The following CBL variants were observed in gnomAD, a reference collection of about 807,000 sequenced individuals.
CBL encodes Cbl proto-oncogene.
CBL carries 45 observed loss-of-function variants against 96.9 expected under a neutral mutation model. The observed-to-expected ratio is 0.46, with a 90% CI of 0.37 to 0.60. The LOEUF is 0.60. CBL is among the 20% of genes least tolerant of loss of function. The pLI is 0.00. For synonymous variants in CBL, 420 were observed against 426.8 expected, an observed-to-expected ratio of 0.98 and a Z score of 0.20; for missense variants, 1,024 against 1,143.5, an observed-to-expected ratio of 0.90 and a Z score of 1.51.
intron 1 of CBL, among the ~76,000 whole-genome samples, chr11:119,231,708 C>CA (rs1949502968): frequency 6.6e-6 from 1 of 151,958 alleles, no homozygotes; most frequent in Admixed American, 6.6e-5. Flanking sequence ...AACTCTGTCT[C>CA]AAAAAACAAA....
At chr11:119,295,638 G>A (rs1314263805) in intron 12 of CBL, among the ~76,000 whole-genome samples, 1 of 152,100 alleles carries the variant, frequency 6.6e-6, no homozygotes, top group Non-Finnish European at 1.5e-5. Context: ...GAGTTGGGAG[G>A]ATCACTTGAG....
Position 119,298,395 on chromosome 11 carries a change from T to G in CBL, c.2289T>G (p.Gly763=). 1 of 1,614,182 alleles carries G rather than the reference T, an allele frequency of 6.2e-7. No individual in the cohort carries two copies. The highest frequency in any genetic ancestry group is 8.5e-7 in the Non-Finnish European group (1 of 1,180,020). The change falls in exon 15 of 16, where the codon GGT becomes GGG. Residue 763 remains glycine, a synonymous_variant. Coordinates refer to ENST00000264033, the MANE Select transcript of CBL (RefSeq NM_005188.4). ...GNLAAAHANT[G]PEESENEDDG... ...TGGCCGCAGCCCATGCCAACACTGGTCCCGAGGAGTCAGAAAATGAGGATG... is the reference window on the plus strand; with the variant it reads ...TGGCCGCAGCCCATGCCAACACTGGGCCCGAGGAGTCAGAAAATGAGGATG...
In CBL at chr11:119,214,301, C is replaced by T. The variant is rs191469810; in HGVS notation, c.195+7689C>T. Among the ~76,000 whole-genome samples the T allele has an allele frequency of 3.2e-3, 487 of 151,410 alleles. 4 individuals are homozygous for T. The highest frequency in any genetic ancestry group is 0.011 in the African/African-American group (443 of 41,244). On this transcript the variant is annotated intron_variant, in intron 1 of 15. Transcript: ENST00000264033. ...TGTCACCCAGGCTGGCGTACAGTCT[C>T]GGCTCAATGCAATGAGTGGCGTGAT...
intron 2 of CBL, among the ~76,000 whole-genome samples, chr11:119,251,362 G>A (rs1310619420): frequency 6.6e-6 from 1 of 152,016 alleles, no homozygotes; most frequent in African/African-American, 2.4e-5. Flanking sequence ...ACACACAATG[G>A]TTCAACCCAA....
At chr11:119,245,213 C>G (rs1249871913) in intron 2 of CBL, among the ~76,000 whole-genome samples, 1 of 146,218 alleles carries the variant, frequency 6.8e-6, no homozygotes, top group East Asian at 2.1e-4. Flanking sequence ...ACCTGCTTGT[C>G]TAGAGCTTTT....
chr11:119,235,105 C>CT (rs746758567), intron 2 of CBL, among the ~76,000 whole-genome samples: 6 of 151,984 alleles, frequency 3.9e-5, no homozygotes, highest in Non-Finnish European at 5.9e-5. Context: ...AAGAGCATTT[C>CT]TTTTTTCTAT....
rs180967802 is a variant in CBL, at chr11:119,246,751, C to T, written c.443+14056C>T. 8.7e-4 allele frequency among the ~76,000 whole-genome samples: 132 copies of T among 152,258 alleles called. 1 individual carries two copies. Among genetic ancestry groups the T allele is most frequent in the Non-Finnish European group, 4.4e-5 (3 of 68,008 alleles). ...ACAGGTGTGAGCCAGTGCGCCCAGG[C>T]GAGTATTAGTTTCTTAAAAGGTTAG... On this transcript the variant is annotated intron_variant, in intron 2 of 15. Transcript: ENST00000264033.
Position 119,306,927 on chromosome 11 carries a change from AT to A in CBL, c.*7151del, listed in dbSNP as rs772882087. 68 of 227,380 alleles carry A rather than the reference AT, an allele frequency of 3.0e-4. No homozygotes were observed. The highest frequency in any genetic ancestry group is 6.3e-4 in the Admixed American group (11 of 17,496). The allele number at this position is 227,380 out of a possible 1,614,324, so 14.1% of individuals were successfully genotyped here. A position where few individuals can be genotyped will look rare whatever the true frequency, so the allele number is the denominator to read the frequency against. On this transcript the variant is annotated 3_prime_UTR_variant, in exon 16 of 16. Coordinates refer to ENST00000264033, the MANE Select transcript of CBL (RefSeq NM_005188.4). ...TTTTTCCTTTACTCAAAACAAAACA[AT>A]TTTTAGCACACTGAAAAAAAAAAAA...
chr11:119,221,099 C>G (rs1389800381), intron 1 of CBL, among the ~76,000 whole-genome samples: 2 of 151,852 alleles, frequency 1.3e-5, no homozygotes, highest in Non-Finnish European at 2.9e-5. Flanking sequence ...CAAAAATTAG[C>G]CGGGCGTGGT....
At chr11:119,232,898 A>G (rs938285039) in intron 2 of CBL, among the ~76,000 whole-genome samples, 1 of 152,246 alleles carries the variant, frequency 6.6e-6, no homozygotes, top group African/African-American at 2.4e-5. Flanking sequence ...TTACCTCTGA[A>G]AAATCATTTA....
At chr11:119,214,893 A>ATTT (rs774184469) in intron 1 of CBL, among the ~76,000 whole-genome samples, 35 of 117,950 alleles carry the variant, frequency 3.0e-4, no homozygotes, top group Admixed American at 6.0e-4. Context: ...CTGGTAGGGA[A>ATTT]TTTTTTTTTT....
intron 13 of CBL, 32 bp from the exon 14 acceptor site, chr11:119,297,352 A>G: frequency 1.3e-6 from 2 of 1,502,438 alleles, no homozygotes; most frequent in Non-Finnish European, 1.9e-6. Context: ...TCTATTTCCA[A>G]AGATCATTAT....
intron 1 of CBL, among the ~76,000 whole-genome samples, chr11:119,223,888 G>A (rs1949432836): frequency 1.3e-5 from 2 of 152,070 alleles, no homozygotes; most frequent in South Asian, 4.1e-4. Context: ...GCCTCCCGAA[G>A]TGCTGGGATT....
In CBL at chr11:119,304,513, G is replaced by A. The variant is rs892072986; in HGVS notation, c.*4732G>A. 4.3e-6 allele frequency: 1 copy of A among 232,984 alleles called. No individual in the cohort carries two copies. Among genetic ancestry groups the A allele is most frequent in the East Asian group, 6.0e-5 (1 of 16,574 alleles). 14.4% of individuals were successfully genotyped at this position (232,984 alleles called of 1,614,324 possible). A position where few individuals can be genotyped will look rare whatever the true frequency, so the allele number is the denominator to read the frequency against. On this transcript the variant is annotated 3_prime_UTR_variant, in exon 16 of 16. Coordinates refer to ENST00000264033, the MANE Select transcript of CBL (RefSeq NM_005188.4). ...AGCTTTGCACCTAGTCCTTTCTCCC[G>A]CTTCACAGTCTGCTTATGGTATATG... is the stretch of plus-strand genomic sequence containing the variant.
chr11:119,221,195 A>T (rs541655168), intron 1 of CBL, among the ~76,000 whole-genome samples: 1 of 151,630 alleles, frequency 6.6e-6, no homozygotes. Context: ...GTGAGCTGAC[A>T]TCACACCACT....
chr11:119,284,251 G>A (rs902604070), intron 9 of CBL, among the ~76,000 whole-genome samples: 2 of 151,900 alleles, frequency 1.3e-5, no homozygotes, highest in African/African-American at 4.8e-5. Flanking sequence ...TGTTTTCCCA[G>A]GTACTTTGTT....
chr11:119,276,072 C>A lies in CBL; in HGVS notation c.945C>A (p.Leu315=). 1 of 1,614,022 alleles carries A rather than the reference C, an allele frequency of 6.2e-7. No homozygotes were observed. The highest frequency in any genetic ancestry group is 1.1e-5 in the South Asian group (1 of 91,080). The change falls in exon 6 of 16, where the codon CTC becomes CTA. Residue 315 remains leucine (L), a synonymous_variant. Transcript: ENST00000264033. ...ATGTTACTGCTGATGGGAACATTCT[C>A]CAGACAATCCCTCACAATAAACCTC... ...IGYVTADGNI[L]QTIPHNKPLF... is the part of the protein sequence containing the mutation.
intron 2 of CBL, among the ~76,000 whole-genome samples, chr11:119,266,512 G>T (rs770188573): frequency 3.3e-5 from 5 of 152,058 alleles, no homozygotes; most frequent in Admixed American, 2.0e-4. Context: ...TCTTTATTAT[G>T]TGAAGTTGTA....
intron 2 of CBL, among the ~76,000 whole-genome samples, chr11:119,245,621 C>T (rs549319532): frequency 3.3e-5 from 5 of 151,976 alleles, no homozygotes; most frequent in East Asian, 1.9e-4. Context: ...CCCAGCTACT[C>T]GGGAGGCTGA....
Sources: allele counts gnomAD v4.1 joint callset (sites outside exome capture counted in the v4.1 genomes callset), GRCh38; gene constraint gnomAD v4.1.1; transcripts MANE v1.5; gene names NCBI Gene and HGNC (gene_info 2026-07-23, HGNC 2026-07-21).